Variants in ELAVL2 observed in about 807,000 individuals in gnomAD.
ELAVL2 encodes ELAV-like protein 2.
In ELAVL2, 4 loss-of-function variants were observed where a neutral mutation model predicts 34.6. That is an observed-to-expected ratio of 0.12 (90% CI 0.06 to 0.26). The LOEUF (loss-of-function observed/expected upper bound fraction) is 0.26, where lower values mean the gene tolerates loss of function less well. Among genes scored for constraint, ELAVL2 ranks in the 10% least tolerant of loss-of-function variants. The pLI is 1.00. For missense variants in ELAVL2, 432 were observed against 442.8 expected (o/e 0.98, Z 0.22); for synonymous variants, 193 against 154.8 (o/e 1.25, Z -1.83).
chr9:23,695,926 C>T lies in ELAVL2; in HGVS notation c.714-2440G>A, dbSNP rs1188684277. 3.3e-5 allele frequency among the ~76,000 whole-genome samples: 5 copies of T among 152,292 alleles called. No homozygotes were observed. In the East Asian group the frequency reaches 9.7e-4, roughly 29 times the overall value. On this transcript the variant is annotated intron_variant, in intron 5 of 6. Transcript: ENST00000397312. ...CGTTTTCCATCCTCCATCTCCCTCACTTCCATCTCTGGCATCCCCAGACAG... is the reference window on the plus strand; with the variant it reads ...CGTTTTCCATCCTCCATCTCCCTCATTTCCATCTCTGGCATCCCCAGACAG...
At chr9:23,762,323 A>C in intron 1 of ELAVL2, 74 bp from the exon 2 acceptor site, 1 of 1,543,838 alleles carries the variant, frequency 6.5e-7, no homozygotes, top group Non-Finnish European at 8.7e-7. Flanking sequence ...CAAGAATTTA[A>C]ACACTTGTCA....
the ELAVL2 span, among the ~76,000 whole-genome samples, chr9:23,848,167 T>C: frequency 6.6e-6 from 1 of 152,104 alleles, no homozygotes; most frequent in African/African-American, 2.4e-5. Flanking sequence ...GTTAGTATAG[T>C]TCAGGATTAA....
At chr9:23,786,802 A>G (rs13295786) in intron 1 of ELAVL2, among the ~76,000 whole-genome samples, 34,245 of 124,292 alleles carry the variant, frequency 0.28, 5,293 homozygotes, top group African/African-American at 0.41. Context: ...AAAAAAAAAA[A>G]AGAGAGAGAG....
intron 2 of ELAVL2, among the ~76,000 whole-genome samples, chr9:23,754,229 T>G (rs1348354099): frequency 6.6e-6 from 1 of 152,192 alleles, no homozygotes; most frequent in African/African-American, 2.4e-5. Context: ...TCTGGATGAT[T>G]AATGAATTAC....
chr9:23,710,443 G>C (rs1030984560), intron 3 of ELAVL2, among the ~76,000 whole-genome samples: 2 of 152,226 alleles, frequency 1.3e-5, no homozygotes, highest in African/African-American at 4.8e-5. Context: ...TCAATGGAAA[G>C]ATCAGTGACA....
At chr9:23,764,905 A>G in intron 1 of ELAVL2, 2 of 1,156,566 alleles carry the variant, frequency 1.7e-6, no homozygotes, top group Non-Finnish European at 2.5e-6. Flanking sequence ...TGTAAGAATA[A>G]TTAGTATGCC....
rs149300862 is a variant in ELAVL2 at position 23,783,182 on chromosome 9, A to G, written c.-15-20933T>C. Among the ~76,000 whole-genome samples, 75 of 152,334 alleles carry G rather than the reference A, an allele frequency of 4.9e-4. No individual in the cohort carries two copies. The East Asian group carries it at 0.011, about 23-fold the overall frequency. ...TACTCTCCGGAGGCGTGAAGTCATC[A>G]TACTTCCAGATAAGACATTAATAAG... On this transcript the variant is annotated intron_variant, in intron 1 of 6. Coordinates refer to ENST00000397312, the MANE Select transcript of ELAVL2 (RefSeq NM_004432.5).
the ELAVL2 span, among the ~76,000 whole-genome samples, chr9:23,836,935 A>G: frequency 6.6e-6 from 1 of 152,166 alleles, no homozygotes; most frequent in East Asian, 1.9e-4. Context: ...AAAGATACCC[A>G]AAGGTAGAGG....
At chr9:23,840,567 C>T in the ELAVL2 span, among the ~76,000 whole-genome samples, 2 of 152,034 alleles carry the variant, frequency 1.3e-5, no homozygotes, top group African/African-American at 4.8e-5. Flanking sequence ...CAATTTTATA[C>T]TTTGTGTTAT....
intron 3 of ELAVL2, among the ~76,000 whole-genome samples, chr9:23,717,089 T>C (rs1275922108): frequency 2.0e-5 from 3 of 152,228 alleles, no homozygotes; most frequent in African/African-American, 4.8e-5. Flanking sequence ...TAAAGTTAAA[T>C]GTAAATGCCA....
At chr9:23,753,965 A>G (rs1564288899) in intron 2 of ELAVL2, among the ~76,000 whole-genome samples, 1 of 152,214 alleles carries the variant, frequency 6.6e-6, no homozygotes, top group Non-Finnish European at 1.5e-5. Context: ...ACTATTCCTA[A>G]TCTACTGGTA....
intron 1 of ELAVL2, among the ~76,000 whole-genome samples, chr9:23,823,221 C>T (rs1204271129): frequency 6.6e-6 from 1 of 152,192 alleles, no homozygotes; most frequent in Non-Finnish European, 1.5e-5. Context: ...GCCTCTTTGA[C>T]CTCTCAGTAA....
intron 3 of ELAVL2, among the ~76,000 whole-genome samples, chr9:23,705,305 A>C (rs1354706389): frequency 6.6e-6 from 1 of 152,142 alleles, no homozygotes; most frequent in Non-Finnish European, 1.5e-5. Context: ...AATATGCTGG[A>C]CTAGCCTACT....
intron 1 of ELAVL2, among the ~76,000 whole-genome samples, chr9:23,810,181 G>A (rs780554456): frequency 1.3e-5 from 2 of 151,870 alleles, no homozygotes; most frequent in African/African-American, 2.4e-5. Flanking sequence ...TCATTTCCTT[G>A]CTTACAGAAA....
At chr9:23,774,079 C>T (rs951295354) in intron 1 of ELAVL2, among the ~76,000 whole-genome samples, 1 of 151,522 alleles carries the variant, frequency 6.6e-6, no homozygotes, top group Non-Finnish European at 1.5e-5. Flanking sequence ...GACTTGGTGG[C>T]GGGCGCCTGT....
intron 2 of ELAVL2, among the ~76,000 whole-genome samples, chr9:23,732,370 A>G (rs987260819): frequency 1.3e-5 from 2 of 152,158 alleles, no homozygotes; most frequent in African/African-American, 4.8e-5. Flanking sequence ...CCACAATCAG[A>G]ATTTTGGATA....
chr9:23,759,807 T>A (rs2054547794), intron 2 of ELAVL2, among the ~76,000 whole-genome samples: 1 of 124,706 alleles, frequency 8.0e-6, no homozygotes. Context: ...AGAAACGTCT[T>A]ACATCTTTAG....
intron 3 of ELAVL2, among the ~76,000 whole-genome samples, chr9:23,722,718 AT>A (rs1268932275): frequency 6.6e-6 from 1 of 152,254 alleles, no homozygotes; most frequent in African/African-American, 2.4e-5. Flanking sequence ...TAGCTATTTC[AT>A]TTTGAACAAA....
intron 2 of ELAVL2, among the ~76,000 whole-genome samples, chr9:23,743,749 A>G (rs1037201348): frequency 6.6e-6 from 1 of 152,218 alleles, no homozygotes; most frequent in East Asian, 1.9e-4. Context: ...GAGGGTTAAA[A>G]AAATCTTATT....
Sources: allele counts gnomAD v4.1 joint callset (sites outside exome capture counted in the v4.1 genomes callset), GRCh38; gene constraint gnomAD v4.1.1; transcripts MANE v1.5; gene names NCBI Gene and HGNC (gene_info 2026-07-23, HGNC 2026-07-21).